Variants in TUBGCP5 observed in about 807,000 individuals in gnomAD.
The protein encoded by TUBGCP5 is gamma-tubulin complex component 5.
Under a neutral mutation model 134.7 loss-of-function variants are expected in TUBGCP5, and 98 were observed. The ratio of observed to expected loss-of-function variants is 0.73; its 90% CI spans 0.62 to 0.86. The LOEUF is 0.86. Among genes scored for constraint, TUBGCP5 ranks in the 40% least tolerant of loss-of-function variants. The pLI, the probability that TUBGCP5 is intolerant of heterozygous loss-of-function variation, is 0.00. For synonymous variants in TUBGCP5, 456 were observed against 431.4 expected, an observed-to-expected ratio of 1.06 and a Z score of -0.71; for missense variants, 1,150 against 1,244.8, an observed-to-expected ratio of 0.92 and a Z score of 1.15.
chr15:23,014,683 T>G (rs956446872), intron 13 of TUBGCP5, among the ~76,000 whole-genome samples: 3 of 152,108 alleles, frequency 2.0e-5, no homozygotes, highest in African/African-American at 7.2e-5. Flanking sequence ...CAGGCAGACA[T>G]GCACCCAGGC....
Position 22,999,239 on chromosome 15 carries a change from T to C in TUBGCP5, c.*581A>G, listed in dbSNP as rs967499600. 2 of 152,242 alleles carry C rather than the reference T, an allele frequency of 1.3e-5. No individual in the cohort carries two copies. The highest frequency in any genetic ancestry group is 2.4e-5 in the African/African-American group (1 of 41,444). 9.4% of individuals were successfully genotyped at this position (152,242 alleles called of 1,614,324 possible). A position where few individuals can be genotyped will look rare whatever the true frequency, so the allele number is the denominator to read the frequency against. Reference sequence around the variant, plus strand: ...ATTACATTTTCAAAATATGATATAATTTAAAGGTATCAGTACCATAAATCT... The same window carrying C: ...ATTACATTTTCAAAATATGATATAACTTAAAGGTATCAGTACCATAAATCT... On this transcript the variant is annotated 3_prime_UTR_variant, in exon 23 of 23. Coordinates refer to ENST00000615383, the MANE Select transcript of TUBGCP5 (RefSeq NM_052903.6).
In TUBGCP5 at chr15:23,037,231, C is replaced by G. The variant is rs185899612; in HGVS notation, c.147-79G>C. The G allele has an allele frequency of 2.5e-4, 336 of 1,318,622 alleles. 1 individual carries two copies. In the African/African-American group the frequency reaches 4.4e-3, roughly 17 times the overall value. The allele number at this position is 1,318,622 out of a possible 1,614,324, so 81.7% of individuals were successfully genotyped here. A position where few individuals can be genotyped will look rare whatever the true frequency, so the allele number is the denominator to read the frequency against. On this transcript the variant is annotated intron_variant, in intron 1 of 22. Transcript: ENST00000615383. ...ACTCATCTCATGGCCCTCCATATCC[C>G]CCATATGCTCTGTACTCAGCTACAC...
intron 23 of TUBGCP5, among the ~76,000 whole-genome samples, chr15:22,986,844 T>C (rs557809647): frequency 6.6e-6 from 1 of 152,034 alleles, no homozygotes; most frequent in Admixed American, 6.6e-5. Context: ...TGTAGGAAAC[T>C]TCTGGGGACT....
intron 1 of TUBGCP5, 66 bp from the exon 2 acceptor site, chr15:23,037,218 G>A: frequency 6.9e-7 from 1 of 1,450,766 alleles, no homozygotes; most frequent in Non-Finnish European, 9.6e-7. Flanking sequence ...TCATCTCATG[G>A]CCCTCCATAT....
At chr15:23,018,511 T>G (rs1337585159) in intron 12 of TUBGCP5, among the ~76,000 whole-genome samples, 3 of 152,160 alleles carry the variant, frequency 2.0e-5, no homozygotes, top group Non-Finnish European at 4.4e-5. Flanking sequence ...CAGTGACAGA[T>G]ATGAGATTGA....
intron 13 of TUBGCP5, among the ~76,000 whole-genome samples, chr15:23,016,997 T>TATATATATATATATATG (rs1254127035): frequency 6.9e-6 from 1 of 145,848 alleles, no homozygotes; most frequent in African/African-American, 2.5e-5. Context: ...TGTATATATC[T>TATATATATATATATATG]TGAAGATAAA....
intron 1 of TUBGCP5, 72 bp downstream of exon 1, chr15:23,039,326 C>A (rs1366028329): frequency 1.6e-6 from 2 of 1,246,444 alleles, no homozygotes; most frequent in East Asian, 3.2e-5. Context: ...CGCCCCGACC[C>A]CGGGCTGTGC....
intron 3 of TUBGCP5, among the ~76,000 whole-genome samples, chr15:23,036,657 C>T (rs1408111828): frequency 6.6e-6 from 1 of 152,108 alleles, no homozygotes; most frequent in African/African-American, 2.4e-5. Flanking sequence ...GTATCAATCT[C>T]TGATCTCTCT....
chr15:23,031,563 C>T (rs2066315264), intron 5 of TUBGCP5, among the ~76,000 whole-genome samples: 1 of 152,056 alleles, frequency 6.6e-6, no homozygotes, highest in South Asian at 2.1e-4. Flanking sequence ...AGTGATCCGC[C>T]TACCTCAGCC....
chr15:22,999,846 G>C lies in TUBGCP5; in HGVS notation c.3049C>G (p.Leu1017Val). 6.2e-7 allele frequency: 1 copy of C among 1,613,992 alleles called. No individual in the cohort carries two copies. The highest frequency in any genetic ancestry group is 8.5e-7 in the Non-Finnish European group (1 of 1,179,900). ...TAACTTTGTTCCATGCCAGCCATGA[G>C]TGACAACGCTAGAGATTCCACTGTG... ...FPHLESLALS[L>V]MAGMEQS Residue 1017 changes from leucine to valine, a missense_variant, in exon 23 of 23, where the codon CTC becomes GTC. Physicochemically the swap from Leu to Val is conservative, Grantham distance 32. Transcript: ENST00000615383.
At position 23,021,971 on chromosome 15, in the gene TUBGCP5, G is replaced by A. The variant is rs1470813047; in HGVS notation, c.1359C>T (p.Ala453=). 2.5e-6 allele frequency: 4 copies of A among 1,614,022 alleles called. No individual in the cohort carries two copies. In the African/African-American group the frequency reaches 5.3e-5, roughly 22 times the overall value. Residue 453 remains alanine (A), a synonymous_variant, in exon 11 of 23, where the codon GCC becomes GCT. Coordinates refer to ENST00000615383, the MANE Select transcript of TUBGCP5 (RefSeq NM_052903.6). ...AAGTCTCACTTACGGTTTGCTCAGA[G>A]GCTTCTCCAACATTGTCATATTCAA... ...AILEYDNVGE[A]SEQTVSLLFS...
chr15:23,018,797 G>A (rs935690765), intron 12 of TUBGCP5, among the ~76,000 whole-genome samples: 2 of 151,964 alleles, frequency 1.3e-5, no homozygotes, highest in South Asian at 4.1e-4. Context: ...ATATACTAAG[G>A]TAAAAGAAAT....
intron 8 of TUBGCP5, among the ~76,000 whole-genome samples, chr15:23,025,204 AG>A (rs1356244591): frequency 6.6e-6 from 1 of 152,142 alleles, no homozygotes; most frequent in Non-Finnish European, 1.5e-5. Context: ...GCCCCACCTC[AG>A]GAAATTTTTA....
intron 13 of TUBGCP5, among the ~76,000 whole-genome samples, chr15:23,011,728 C>G (rs1020164179): frequency 0.11 from 24 of 214 alleles, no homozygotes; most frequent in Admixed American, 0.37. Flanking sequence ...TCAGGCTGGT[C>G]TCAAACTCCT....
At position 23,005,469 on chromosome 15, in the gene TUBGCP5, T is replaced by C; in HGVS notation, c.2675A>G (p.His892Arg). ...RMFLLRVKLM[H>R]FVNSLHNYIM... ...GTAGTTGTGCAAGCTGTTCACGAAATGCATGAGCTTCACTCTTAAGAGGAA... is the reference window on the plus strand; with the variant it reads ...GTAGTTGTGCAAGCTGTTCACGAAACGCATGAGCTTCACTCTTAAGAGGAA... Residue 892 changes from histidine (H) to arginine (R), a missense_variant, in exon 19 of 23, where the codon CAT (histidine) becomes CGT (arginine). His to Arg is a conservative substitution (Grantham distance 29). Transcript: ENST00000615383. The C allele has an allele frequency of 6.2e-7, 1 of 1,614,196 alleles. No individual in the cohort carries two copies.
At chr15:23,019,189 C>T (rs779004520) in intron 12 of TUBGCP5, 30 bp downstream of exon 12, 5 of 1,518,706 alleles carry the variant, frequency 3.3e-6, no homozygotes, top group Non-Finnish European at 9.1e-7. Flanking sequence ...ATGCCAGCCC[C>T]CAGTGACCTT....
At chr15:22,993,405 C>CT (rs1567082785) in intron 23 of TUBGCP5, among the ~76,000 whole-genome samples, 1 of 149,788 alleles carries the variant, frequency 6.7e-6, no homozygotes, top group Non-Finnish European at 1.5e-5. Context: ...GCTGGAAACT[C>CT]TTTTTTATTT....
chr15:23,010,280 C>T, intron 14 of TUBGCP5, 147 bp from the exon 15 acceptor site: 2 of 948,282 alleles, frequency 2.1e-6, no homozygotes, highest in Non-Finnish European at 3.2e-6. Context: ...CAAAAATATC[C>T]TTTGAGTGAA....
At chr15:23,020,012 C>T (rs913859722) in intron 11 of TUBGCP5, among the ~76,000 whole-genome samples, 2 of 151,690 alleles carry the variant, frequency 1.3e-5, no homozygotes, top group African/African-American at 4.8e-5. Flanking sequence ...GGCATGGTGG[C>T]TCACGCCTGT....
Sources: gnomAD v4.1 joint callset for allele counts (sites outside exome capture counted in the v4.1 genomes callset) on GRCh38, gnomAD v4.1.1 for gene constraint, MANE v1.5 for transcripts, NCBI Gene and HGNC (gene_info 2026-07-23, HGNC 2026-07-21) for gene names.